Variants in SRBD1 observed in about 807,000 individuals in gnomAD.
The protein encoded by SRBD1 is S1 RNA-binding domain-containing protein 1.
SRBD1 carries 88 observed loss-of-function variants against 115.3 expected under a neutral mutation model. The ratio of observed to expected loss-of-function variants is 0.76; its 90% CI spans 0.64 to 0.91. The LOEUF is 0.91. Among genes scored for constraint, SRBD1 ranks in the 40% least tolerant of loss-of-function variants. SRBD1 has a pLI of 0.00. For synonymous variants in SRBD1, 509 were observed against 407.7 expected (o/e 1.25, Z -2.99); for missense variants, 1,385 against 1,177.4 (o/e 1.18, Z -2.58).
At chr2:45,581,952 C>T in intron 5 of SRBD1, 142 bp from the exon 6 acceptor site, 1 of 648,766 alleles carries the variant, frequency 1.5e-6, no homozygotes, top group Non-Finnish European at 2.7e-6. Context: ...AGTTAACATC[C>T]CTGCACTCCA....
intron 16 of SRBD1, among the ~76,000 whole-genome samples, chr2:45,457,396 G>C (rs1669186960): frequency 6.6e-6 from 1 of 151,876 alleles, no homozygotes; most frequent in Admixed American, 6.6e-5. Flanking sequence ...ATGCACCTGA[G>C]CACTACTAGG....
intron 15 of SRBD1, among the ~76,000 whole-genome samples, chr2:45,485,686 C>A (rs1670096400): frequency 6.6e-6 from 1 of 152,116 alleles, no homozygotes; most frequent in Non-Finnish European, 1.5e-5. Flanking sequence ...ATGCTTAACA[C>A]ACATATAAAT....
chr2:45,491,966 T>G (rs942100535), intron 14 of SRBD1, among the ~76,000 whole-genome samples: 7 of 129,332 alleles, frequency 5.4e-5, no homozygotes, highest in African/African-American at 1.8e-4. Context: ...GGATTATAGG[T>G]GCCCACCATC....
intron 14 of SRBD1, 149 bp downstream of exon 14, chr2:45,546,583 T>C (rs922734442): frequency 1.1e-5 from 9 of 820,026 alleles, no homozygotes; most frequent in African/African-American, 1.7e-5. Flanking sequence ...ACACTTTACA[T>C]TATCCTGCAA....
chr2:45,401,750 T>C (rs1029841859), intron 19 of SRBD1, among the ~76,000 whole-genome samples: 2 of 152,216 alleles, frequency 1.3e-5, no homozygotes, highest in African/African-American at 4.8e-5. Flanking sequence ...GACTCACCTG[T>C]AAGAAAAATT....
At chr2:45,594,054 A>G (rs1403596971) in intron 4 of SRBD1, among the ~76,000 whole-genome samples, 1 of 152,220 alleles carries the variant, frequency 6.6e-6, no homozygotes, top group Non-Finnish European at 1.5e-5. Context: ...AATAAACACT[A>G]CCAACTAAAT....
In SRBD1 at chr2:45,553,675, G is replaced by A. The variant is rs1672375056; in HGVS notation, c.1465C>T (p.Leu489=). Reference sequence around the variant, plus strand: ...ATAAGGCGTTTAAAGGAATCATTCAGTGAATTATATAAGATCTTCATTAAC... The same window carrying A: ...ATAAGGCGTTTAAAGGAATCATTCAATGAATTATATAAGATCTTCATTAAC... ...PELMKILYNS[L]NDSFKRLIYP... is the part of the protein sequence containing the mutation. The change falls in exon 11 of 21, where the codon CTG becomes TTG. Residue 489 remains leucine, a synonymous_variant. Transcript: ENST00000263736. 1 of 1,608,428 alleles carries A rather than the reference G, an allele frequency of 6.2e-7. No homozygotes were observed. The highest frequency in any genetic ancestry group is 8.5e-7 in the Non-Finnish European group (1 of 1,177,670).
chr2:45,515,333 T>G (rs942879539), intron 14 of SRBD1, among the ~76,000 whole-genome samples: 5 of 152,148 alleles, frequency 3.3e-5, no homozygotes, highest in Non-Finnish European at 5.9e-5. Context: ...GGTAATTTGT[T>G]AAAGGTTATA....
intron 9 of SRBD1, among the ~76,000 whole-genome samples, chr2:45,567,612 A>C (rs939817064): frequency 6.7e-6 from 1 of 148,458 alleles, no homozygotes; most frequent in African/African-American, 2.5e-5. Context: ...CTGTCTAAGA[A>C]AAAAAAAAAA....
chr2:45,405,381 T>C (rs1212141621), intron 19 of SRBD1, among the ~76,000 whole-genome samples: 1 of 151,796 alleles, frequency 6.6e-6, no homozygotes, highest in Non-Finnish European at 1.5e-5. Flanking sequence ...GAAGATGGAG[T>C]TGTAAAAGGA....
chr2:45,480,321 T>A (rs929393730), intron 15 of SRBD1, among the ~76,000 whole-genome samples: 2 of 152,182 alleles, frequency 1.3e-5, no homozygotes, highest in African/African-American at 4.8e-5. Context: ...GCAAAGTACG[T>A]TGAAAATCTT....
In SRBD1 at chr2:45,581,307, A is replaced by G. The variant is rs376670984; in HGVS notation, c.933+386T>C. 1.2e-4 allele frequency among the ~76,000 whole-genome samples: 18 copies of G among 152,224 alleles called. No individual in the cohort carries two copies. The East Asian group carries it at 3.1e-3, about 26-fold the overall frequency. On this transcript the variant is annotated intron_variant, in intron 6 of 20. Transcript: ENST00000263736. The stretch of plus-strand genomic sequence containing the variant: ...AAAAGGTGGTAACCTCCAGTGGTCA[A>G]TCCTGACCTGCTAACAAACACTTCT...
intron 14 of SRBD1, among the ~76,000 whole-genome samples, chr2:45,515,864 A>G (rs1272028426): frequency 2.6e-5 from 4 of 152,210 alleles, no homozygotes; most frequent in Non-Finnish European, 5.9e-5. Flanking sequence ...TATCATCAGT[A>G]GGCAGGTCAT....
intron 20 of SRBD1, among the ~76,000 whole-genome samples, chr2:45,391,006 G>C (rs903339427): frequency 6.6e-6 from 1 of 152,144 alleles, no homozygotes; most frequent in African/African-American, 2.4e-5. Flanking sequence ...TCACTGATCA[G>C]GGGCAGAGGT....
chr2:45,518,262 A>T (rs1467381251), intron 14 of SRBD1, among the ~76,000 whole-genome samples: 1 of 152,176 alleles, frequency 6.6e-6, no homozygotes, highest in African/African-American at 2.4e-5. Context: ...AAATATCCAA[A>T]TTTATGTGGA....
At chr2:45,545,562 T>C (rs1672090589) in intron 14 of SRBD1, among the ~76,000 whole-genome samples, 1 of 152,292 alleles carries the variant, frequency 6.6e-6, no homozygotes, top group East Asian at 1.9e-4. Context: ...TGAAATAAAC[T>C]GAACCAGCTA....
chr2:45,427,868 C>G (rs921516811), intron 16 of SRBD1, among the ~76,000 whole-genome samples: 1 of 152,160 alleles, frequency 6.6e-6, no homozygotes, highest in South Asian at 2.1e-4. Context: ...TAGAGACCTA[C>G]AAAGAAACTT....
intron 6 of SRBD1, among the ~76,000 whole-genome samples, chr2:45,580,676 C>CTTTT (rs369067711): frequency 6.5e-5 from 5 of 76,400 alleles, no homozygotes; most frequent in African/African-American, 1.3e-4. Flanking sequence ...TCTTCTACTT[C>CTTTT]TTTTTTTTTT....
intron 7 of SRBD1, among the ~76,000 whole-genome samples, 161 bp downstream of exon 7, chr2:45,579,714 G>T (rs1313322841): frequency 1.3e-5 from 2 of 151,762 alleles, no homozygotes; most frequent in African/African-American, 2.4e-5. Context: ...AAGCTGAATG[G>T]CTACTCAATA....
Sources: gnomAD v4.1 joint callset for allele counts (sites outside exome capture counted in the v4.1 genomes callset) on GRCh38, gnomAD v4.1.1 for gene constraint, MANE v1.5 for transcripts, NCBI Gene and HGNC (gene_info 2026-07-23, HGNC 2026-07-21) for gene names.